ASB3: variants seen among roughly 807,000 people sequenced by gnomAD.
The protein encoded by ASB3 is ankyrin repeat and SOCS box protein 3.
A neutral mutation model predicts 54.5 loss-of-function variants in ASB3; 41 were observed. The observed-to-expected ratio is 0.75, with a 90% CI of 0.59 to 0.98. The LOEUF (loss-of-function observed/expected upper bound fraction) is 0.98. ASB3 is among the 50% of genes least tolerant of loss of function. ASB3 has a pLI of 0.00. For synonymous variants in ASB3, 266 were observed against 221.2 expected (o/e 1.20, Z -1.80); for missense variants, 733 against 620.0 (o/e 1.18, Z -1.94).
intron 9 of ASB3, among the ~76,000 whole-genome samples, chr2:53,677,545 A>C (rs1339784757): frequency 1.3e-5 from 2 of 152,144 alleles, no homozygotes; most frequent in Non-Finnish European, 2.9e-5. Context: ...ATGCTCCTTT[A>C]ACAACATTTG....
In ASB3 at chr2:53,753,375, T is replaced by A. The variant is rs746043027; in HGVS notation, c.197-2434A>T. Among the ~76,000 whole-genome samples, 30 of 152,308 alleles carry A rather than the reference T, an allele frequency of 2.0e-4. 1 individual carries two copies. Among genetic ancestry groups the A allele is most frequent in the Non-Finnish European group, 4.1e-4 (28 of 68,020 alleles). ...TGGCAGATCTGGGGGCCAGGTTTCTTACTGTTGGAGAGGAAGGTTACATAT... is the reference window on the plus strand; with the variant it reads ...TGGCAGATCTGGGGGCCAGGTTTCTAACTGTTGGAGAGGAAGGTTACATAT... On this transcript the variant is annotated intron_variant, in intron 2 of 9. Transcript: ENST00000263634.
chr2:53,758,988 G>C (rs938524625), intron 2 of ASB3, among the ~76,000 whole-genome samples: 14 of 152,202 alleles, frequency 9.2e-5, no homozygotes, highest in African/African-American at 3.4e-4. Context: ...TGTTTTACAA[G>C]GGTTAGAACA....
intron 8 of ASB3, among the ~76,000 whole-genome samples, chr2:53,695,655 T>A (rs931852893): frequency 1.5e-4 from 20 of 134,926 alleles, no homozygotes; most frequent in Admixed American, 1.3e-3. Context: ...ACACTGATAA[T>A]GCCACTAAAA....
intron 9 of ASB3, among the ~76,000 whole-genome samples, chr2:53,690,256 AATT>A: frequency 6.6e-6 from 1 of 151,764 alleles, no homozygotes; most frequent in South Asian, 2.1e-4. Flanking sequence ...TAAATAAATT[AATT>A]AATTAATTAA....
At chr2:53,736,700 G>GAAAA (rs60348593) in intron 3 of ASB3, among the ~76,000 whole-genome samples, 1 of 130,786 alleles carries the variant, frequency 7.6e-6, no homozygotes, top group African/African-American at 2.8e-5. Context: ...TTCCATCTCA[G>GAAAA]AAAAAAAAAA....
chr2:53,715,019 C>A (rs1016985561), intron 6 of ASB3, among the ~76,000 whole-genome samples: 33 of 151,868 alleles, frequency 2.2e-4, no homozygotes, highest in African/African-American at 8.0e-4. Flanking sequence ...TTTTTCTTTT[C>A]CAATTAGTAA....
intron 3 of ASB3, among the ~76,000 whole-genome samples, chr2:53,732,695 T>TA (rs2103923680): frequency 6.6e-6 from 1 of 152,356 alleles, no homozygotes; most frequent in South Asian, 2.1e-4. Context: ...CTGCAACTAT[T>TA]AAAAACATTT....
intron 9 of ASB3, among the ~76,000 whole-genome samples, chr2:53,691,932 A>G (rs1668937423): frequency 6.6e-6 from 1 of 152,180 alleles, no homozygotes; most frequent in South Asian, 2.1e-4. Flanking sequence ...GAGGGATAAA[A>G]AGCCTTTCCA....
chr2:53,683,036 G>A (rs1668458600), intron 9 of ASB3, among the ~76,000 whole-genome samples: 1 of 152,086 alleles, frequency 6.6e-6, no homozygotes, highest in South Asian at 2.1e-4. Context: ...GTGAAAGTGG[G>A]CATCTTTGTC....
intron 1 of ASB3, chr2:53,772,038 G>T (rs952552149): frequency 9.6e-6 from 7 of 728,070 alleles, no homozygotes; most frequent in South Asian, 7.6e-5. Flanking sequence ...CAGACAATTT[G>T]AACTACCCTA....
chr2:53,708,490 G>C (rs1406838359), intron 7 of ASB3, among the ~76,000 whole-genome samples: 1 of 152,128 alleles, frequency 6.6e-6, no homozygotes, highest in Non-Finnish European at 1.5e-5. Context: ...CTGAAGAGTG[G>C]GGCATTGCTA....
At chr2:53,779,674 T>G (rs1674539821) in intron 1 of ASB3, among the ~76,000 whole-genome samples, 1 of 152,128 alleles carries the variant, frequency 6.6e-6, no homozygotes, top group Admixed American at 6.5e-5. Flanking sequence ...TGAGCTCAAG[T>G]GATCCACCTA....
intron 7 of ASB3, among the ~76,000 whole-genome samples, chr2:53,713,730 T>C (rs987814040): frequency 6.6e-6 from 1 of 152,038 alleles, no homozygotes; most frequent in Non-Finnish European, 1.5e-5. Flanking sequence ...CTGGGCAACA[T>C]GGAGAAACCC....
chr2:53,771,997 G>T, intron 1 of ASB3: 1 of 987,318 alleles, frequency 1.0e-6, no homozygotes, highest in Non-Finnish European at 1.5e-6. Flanking sequence ...ATGTTGCGAT[G>T]TTTCTGTTTC....
intron 7 of ASB3, among the ~76,000 whole-genome samples, chr2:53,703,011 CAATT>C (rs1044316834): frequency 6.6e-6 from 1 of 152,164 alleles, no homozygotes; most frequent in African/African-American, 2.4e-5. Context: ...AGAATGGACA[CAATT>C]AATTCTATGA....
intron 7 of ASB3, 94 bp from the exon 8 acceptor site, chr2:53,700,622 A>T: frequency 6.8e-7 from 1 of 1,463,160 alleles, no homozygotes; most frequent in East Asian, 2.4e-5. Context: ...CAGCTGGGGA[A>T]TAAGTATGGC....
At chr2:53,774,006 G>C in intron 1 of ASB3, 1 of 986,156 alleles carries the variant, frequency 1.0e-6, no homozygotes, top group Non-Finnish European at 1.5e-6. Flanking sequence ...CTGCACCACA[G>C]CCTGGGCAAC....
At chr2:53,772,532 T>C (rs1325511923) in intron 1 of ASB3, among the ~76,000 whole-genome samples, 1 of 151,998 alleles carries the variant, frequency 6.6e-6, no homozygotes, top group African/African-American at 2.4e-5. Context: ...CCTTTGACAT[T>C]AACGGAAATA....
intron 1 of ASB3, among the ~76,000 whole-genome samples, chr2:53,766,456 A>G (rs11673972): frequency 0.018 from 2,709 of 152,354 alleles, 36 homozygotes; most frequent in Middle Eastern, 0.051. Flanking sequence ...ATGGCATCAC[A>G]GTTATTAGGA....
Sources: allele counts gnomAD v4.1 joint callset (sites outside exome capture counted in the v4.1 genomes callset), GRCh38; gene constraint gnomAD v4.1.1; transcripts MANE v1.5; gene names NCBI Gene and HGNC (gene_info 2026-07-23, HGNC 2026-07-21).